The following FBXO42 variants were observed in gnomAD, a reference collection of about 807,000 sequenced individuals.
FBXO42 encodes F-box protein 42.
Under a neutral mutation model 71.7 loss-of-function variants are expected in FBXO42, and 12 were observed. The observed-to-expected ratio is 0.17, with a 90% CI of 0.11 to 0.27. The LOEUF (loss-of-function observed/expected upper bound fraction) is 0.27. FBXO42 is among the 10% of genes least tolerant of loss of function. The pLI is 1.00. For missense variants in FBXO42, 707 were observed against 911.9 expected (o/e 0.78, Z 2.89); for synonymous variants, 325 against 327.5 (o/e 0.99, Z 0.08).
In FBXO42 at chr1:16,258,499, G is replaced by A. The variant is rs572348825; in HGVS notation, c.503-1740C>T. ...AACCTCCCAAATAGCTAGGAATACA[G>A]GCAAGCACCACCATGCCCGACTAAT... On this transcript the variant is annotated intron_variant, in intron 4 of 9. Coordinates refer to ENST00000375592, the MANE Select transcript of FBXO42 (RefSeq NM_018994.3). Among the ~76,000 whole-genome samples the A allele has an allele frequency of 2.0e-5, 3 of 151,722 alleles. No homozygotes were observed. In the East Asian group the frequency reaches 5.8e-4, roughly 30 times the overall value.
chr1:16,332,921 G>A (rs2100612561), intron 1 of FBXO42, among the ~76,000 whole-genome samples: 1 of 152,274 alleles, frequency 6.6e-6, no homozygotes, highest in East Asian at 1.9e-4. Flanking sequence ...TTAACAATGA[G>A]AAGAGTAGTG....
intron 1 of FBXO42, among the ~76,000 whole-genome samples, chr1:16,336,893 G>C (rs757746794): frequency 1.3e-5 from 2 of 152,072 alleles, no homozygotes; most frequent in Non-Finnish European, 2.9e-5. Flanking sequence ...GCTGAGGCAG[G>C]AGAATCACTT....
rs1217108591 is a variant in FBXO42, at chr1:16,348,341, C to CT, written c.-18+3913dup. Among the ~76,000 whole-genome samples, 7 of 150,490 alleles carry CT rather than the reference C, an allele frequency of 4.7e-5. No homozygotes were observed. The East Asian group carries it at 9.6e-4, about 21-fold the overall frequency. On this transcript the variant is annotated intron_variant, in intron 1 of 9. Transcript: ENST00000375592. ...ACAGCACTAAGGTAAATAACTTGTA[C>CT]TGGGATACAGAAGTTCAATATCAAA...
rs2100420228 is a variant in FBXO42, at chr1:16,250,357, G to A, written c.*313C>T. 1 of 152,902 alleles carries A rather than the reference G, an allele frequency of 6.5e-6. No homozygotes were observed. The highest frequency in any genetic ancestry group is 6.5e-5 in the Admixed American group (1 of 15,278). 9.5% of individuals were successfully genotyped at this position (152,902 alleles called of 1,614,324 possible). ...TGTTAGTCTATTCTCTAACTTCTTG[G>A]TCTAGTTACCAGCAAGGTAGAAAAA... On this transcript the variant is annotated 3_prime_UTR_variant, in exon 10 of 10. Transcript: ENST00000375592. The surrounding 1 kb of genome is among the most constrained non-coding windows in gnomAD (Gnocchi z 4.7).
At chr1:16,263,573 A>G (rs2081737464) in intron 4 of FBXO42, among the ~76,000 whole-genome samples, 1 of 151,012 alleles carries the variant, frequency 6.6e-6, no homozygotes, top group Admixed American at 6.6e-5. Context: ...AATACAAAAA[A>G]TTAGCCCGGC....
At chr1:16,262,524 T>C (rs977421010) in intron 4 of FBXO42, among the ~76,000 whole-genome samples, 2 of 152,022 alleles carry the variant, frequency 1.3e-5, no homozygotes, top group African/African-American at 4.8e-5. Flanking sequence ...CTGGGCAACA[T>C]GGCAAAACCA....
At chr1:16,344,522 G>A (rs2082637654) in intron 1 of FBXO42, among the ~76,000 whole-genome samples, 2 of 130,246 alleles carry the variant, frequency 1.5e-5, no homozygotes, top group South Asian at 4.9e-4. Context: ...TTTTAGTAGA[G>A]ACGGGGTTTC....
At chr1:16,349,988 T>C (rs2082684689) in intron 1 of FBXO42, among the ~76,000 whole-genome samples, 1 of 152,224 alleles carries the variant, frequency 6.6e-6, no homozygotes, top group South Asian at 2.1e-4. Flanking sequence ...TCAGACGTTT[T>C]GTTAGCATTT....
intron 1 of FBXO42, among the ~76,000 whole-genome samples, chr1:16,332,313 T>C (rs1359143902): frequency 2.0e-5 from 3 of 152,116 alleles, no homozygotes; most frequent in Admixed American, 6.6e-5. Context: ...GTTCCAACAA[T>C]GGGAGGCACA....
chr1:16,274,487 G>A (rs1461020887), intron 4 of FBXO42, among the ~76,000 whole-genome samples: 1 of 149,984 alleles, frequency 6.7e-6, no homozygotes, highest in Non-Finnish European at 1.5e-5. Context: ...TCACATGACT[G>A]TATACATATG....
chr1:16,321,282 C>T lies in FBXO42; in HGVS notation c.-17-5847G>A, dbSNP rs150730622. Among the ~76,000 whole-genome samples, 157 of 152,320 alleles carry T rather than the reference C, an allele frequency of 1.0e-3. 1 individual carries two copies. The highest frequency in any genetic ancestry group is 2.6e-3 in the Admixed American group (39 of 15,276). ...ATGGGTGAGCTCAGATGCAATTCCTCTGTAATTACATGCCCAACACCAATT... is the reference window on the plus strand; with the variant it reads ...ATGGGTGAGCTCAGATGCAATTCCTTTGTAATTACATGCCCAACACCAATT... On this transcript the variant is annotated intron_variant, in intron 1 of 9. Coordinates refer to ENST00000375592, the MANE Select transcript of FBXO42 (RefSeq NM_018994.3).
chr1:16,253,697 A>G lies in FBXO42; in HGVS notation c.802T>C (p.Trp268Arg). The change falls in exon 7 of 10, where the codon TGG (tryptophan) becomes CGG (arginine). Residue 268 changes from tryptophan (W) to arginine (R), a missense_variant. Trp to Arg is a moderately radical substitution (Grantham distance 101). This residue lies in a region of FBXO42 where 482 missense variants were observed against 587.1 expected (regional missense o/e 0.82). Coordinates refer to ENST00000375592, the MANE Select transcript of FBXO42 (RefSeq NM_018994.3). ...NDVWVLDLEQ[W>R]AWSKPNISGP... ...GAGATGTTCGGCTTGGACCACGCCC[A>G]CTGCTCAAGGTCAAGGACCCAGACA... is the stretch of plus-strand genomic sequence containing the variant. 1 of 1,614,238 alleles carries G rather than the reference A, an allele frequency of 6.2e-7. No individual in the cohort carries two copies. The highest frequency in any genetic ancestry group is 8.5e-7 in the Non-Finnish European group (1 of 1,180,040).
chr1:16,286,263 A>G (rs1477914437), intron 4 of FBXO42, among the ~76,000 whole-genome samples: 1 of 152,144 alleles, frequency 6.6e-6, no homozygotes, highest in Non-Finnish European at 1.5e-5. Flanking sequence ...TCACAGTGCT[A>G]TGAAGAAATA....
chr1:16,311,472 A>G (rs1185638968), intron 2 of FBXO42, among the ~76,000 whole-genome samples: 1 of 129,544 alleles, frequency 7.7e-6, no homozygotes, highest in African/African-American at 3.0e-5. Flanking sequence ...TGGGTGACAG[A>G]GCAAGATCTT....
rs1413712126 is a variant in FBXO42, at chr1:16,315,280, T to C, written c.139A>G (p.Met47Val). 6.2e-7 allele frequency: 1 copy of C among 1,614,006 alleles called. No individual in the cohort carries two copies. The highest frequency in any genetic ancestry group is 8.5e-7 in the Non-Finnish European group (1 of 1,180,016). The change falls in exon 2 of 10, where the codon ATG becomes GTG. Residue 47 changes from methionine (M) to valine (V), a missense_variant. Coordinates refer to ENST00000375592, the MANE Select transcript of FBXO42 (RefSeq NM_018994.3). Reference protein sequence around the residue: ...EAEETRHNRSMSELPEEVLEY... With the variant: ...EAEETRHNRSVSELPEEVLEY... ...AAAACCTCTTCTGGCAGCTCCGACA[T>C]GGACCTATTATGTCTAGTCTCCTCA... is the stretch of plus-strand genomic sequence containing the variant.
At chr1:16,287,434 A>G (rs574600514) in intron 4 of FBXO42, among the ~76,000 whole-genome samples, 4 of 152,246 alleles carry the variant, frequency 2.6e-5, no homozygotes, top group South Asian at 2.1e-4. Context: ...CTTCATTTGA[A>G]TGTAGTCTCA....
intron 2 of FBXO42, among the ~76,000 whole-genome samples, chr1:16,308,349 T>C (rs935298782): frequency 2.6e-5 from 4 of 152,082 alleles, no homozygotes; most frequent in East Asian, 1.9e-4. Context: ...CCAGGCTCAG[T>C]GGTGTATGCC....
chr1:16,333,377 C>T (rs562218629), intron 1 of FBXO42, among the ~76,000 whole-genome samples: 1 of 151,596 alleles, frequency 6.6e-6, no homozygotes, highest in East Asian at 1.9e-4. Flanking sequence ...ACTCAGGAGA[C>T]TGCCACCAGA....
intron 1 of FBXO42, among the ~76,000 whole-genome samples, chr1:16,330,992 G>A (rs148344180): frequency 0.026 from 3,977 of 151,928 alleles, 174 homozygotes; most frequent in African/African-American, 0.089. Context: ...ATGGTGGCGC[G>A]TGCCTGTAGT....
Sources: allele counts gnomAD v4.1 joint callset (sites outside exome capture counted in the v4.1 genomes callset), GRCh38; gene constraint gnomAD v4.1.1; regional missense constraint gnomAD v4.1.1; non-coding constraint Gnocchi (gnomAD v3.1); transcripts MANE v1.5; gene names NCBI Gene and HGNC (gene_info 2026-07-23, HGNC 2026-07-21).